Variants in DNAH7 observed in about 807,000 individuals in gnomAD.
DNAH7 encodes the protein axonemal beta dynein heavy chain 7.
Under a neutral mutation model 444.6 loss-of-function variants are expected in DNAH7, and 397 were observed. The observed-to-expected ratio is 0.89, with a 90% CI of 0.82 to 0.97. DNAH7 has a LOEUF of 0.97. DNAH7 is among the 50% of genes least tolerant of loss of function. DNAH7 has a pLI of 0.00. For synonymous variants in DNAH7, 1,636 were observed against 1,624.4 expected (o/e 1.01, Z -0.17); for missense variants, 4,902 against 4,800.8 (o/e 1.02, Z -0.62).
Position 195,808,739 on chromosome 2 carries a change from G to A in DNAH7, c.10026C>T (p.Thr3342=). ...CRLDDLPAFK[T]IRREFMRLKD... is the part of the protein sequence containing the mutation. ...TTAAGCGCATAAACTCTCTACGAAT[G>A]GTTTTGAAGGCAGGCAAATCATCTA... The change falls in exon 53 of 65, where the codon ACC becomes ACT. Residue 3342 remains threonine (T), a synonymous_variant. Coordinates refer to ENST00000312428, the MANE Select transcript of DNAH7 (RefSeq NM_018897.3). 6.2e-7 allele frequency: 1 copy of A among 1,614,006 alleles called. No homozygotes were observed. Among genetic ancestry groups the A allele is most frequent in the Non-Finnish European group, 8.5e-7 (1 of 1,179,964 alleles).
chr2:195,818,528 A>T (rs1320921199), intron 49 of DNAH7, among the ~76,000 whole-genome samples: 1 of 152,196 alleles, frequency 6.6e-6, no homozygotes, highest in Non-Finnish European at 1.5e-5. Flanking sequence ...TTTTAAAAAA[A>T]GCAAACAACA....
intron 49 of DNAH7, among the ~76,000 whole-genome samples, chr2:195,821,435 G>C (rs980379370): frequency 6.6e-6 from 1 of 152,198 alleles, no homozygotes; most frequent in Non-Finnish European, 1.5e-5. Flanking sequence ...TGAGGCTGAA[G>C]AAAGAGGCTG....
intron 10 of DNAH7, 107 bp from the exon 11 acceptor site, chr2:196,001,965 G>C (rs546713434): frequency 2.5e-6 from 2 of 815,320 alleles, no homozygotes; most frequent in Non-Finnish European, 3.6e-6. Flanking sequence ...TCATAGAGAA[G>C]TATATTGCTA....
In DNAH7 at chr2:195,809,796, C is replaced by T. The variant is rs1300029995; in HGVS notation, c.9837G>A (p.Lys3279=). Residue 3279 remains lysine, a synonymous_variant, in exon 52 of 65, where the codon AAG becomes AAA. Coordinates refer to ENST00000312428, the MANE Select transcript of DNAH7 (RefSeq NM_018897.3). ...TGGTTAGACAAAAGGAAAAGAGCAG[C>T]TTATCCTTTTCAAAGAGTGACCGGC... is the stretch of plus-strand genomic sequence containing the variant. The part of the protein sequence containing the change: ...NVCRSLFEKD[K]LLFSFCLTIN... The T allele has an allele frequency of 6.2e-7, 1 of 1,600,738 alleles. No homozygotes were observed. Among genetic ancestry groups the T allele is most frequent in the Non-Finnish European group, 8.5e-7 (1 of 1,172,856 alleles).
At position 195,740,781 on chromosome 2, in the gene DNAH7, A is replaced by G. The variant is rs1239854130; in HGVS notation, c.11853T>C (p.Tyr3951=). Reference sequence around the variant, plus strand: ...ATTTACTAACCACAGGCACTGTATCATAAAGAATTTTGGGATGCGATTCTG... The same window carrying G: ...ATTTACTAACCACAGGCACTGTATCGTAAAGAATTTTGGGATGCGATTCTG... ...KLAESHPKIL[Y]DTVPVMWLKP... is the part of the protein sequence containing the mutation. Residue 3951 remains tyrosine, a synonymous_variant, in exon 64 of 65, where the codon TAT becomes TAC. Transcript: ENST00000312428. 1.9e-6 allele frequency: 3 copies of G among 1,544,040 alleles called. No homozygotes were observed. Among genetic ancestry groups the G allele is most frequent in the African/African-American group, 1.4e-5 (1 of 72,840 alleles).
intron 10 of DNAH7, among the ~76,000 whole-genome samples, chr2:196,012,328 T>C (rs1048114530): frequency 3.3e-5 from 5 of 152,198 alleles, no homozygotes; most frequent in African/African-American, 1.2e-4. Flanking sequence ...TATCATCTGA[T>C]AGGTCTGCCT....
chr2:195,896,951 A>G (rs1329943237), intron 29 of DNAH7, among the ~76,000 whole-genome samples: 1 of 152,162 alleles, frequency 6.6e-6, no homozygotes, highest in Non-Finnish European at 1.5e-5. Context: ...GGAAAACTGG[A>G]TAACTATATG....
In DNAH7 at chr2:195,865,014, C is replaced by T. The variant is rs549170351; in HGVS notation, c.6641G>A (p.Arg2214Gln). The T allele has an allele frequency of 6.9e-6, 11 of 1,587,908 alleles. No individual in the cohort carries two copies. The highest frequency in any genetic ancestry group is 2.2e-5 in the South Asian group (2 of 88,900). The stretch of plus-strand genomic sequence containing the variant: ...GTCCAGAAGGCGGTCATAATACACT[C>T]GAAGGACCTGTATAATAATTAAAAA... ...IKRLWVHEVL[R>Q]VYYDRLLDNT... Residue 2214 changes from arginine (R) to glutamine (Q), a missense_variant, in exon 41 of 65, where the codon CGA becomes CAA. Physicochemically the swap from Arg to Gln is conservative, Grantham distance 43. Transcript: ENST00000312428.
chr2:195,859,353 A>G (rs545594581), intron 42 of DNAH7, among the ~76,000 whole-genome samples: 1 of 152,344 alleles, frequency 6.6e-6, no homozygotes, highest in Non-Finnish European at 1.5e-5. Context: ...TGTTTGGTGC[A>G]AAATGATTAT....
chr2:196,065,850 G>T (rs943685608), intron 1 of DNAH7, among the ~76,000 whole-genome samples: 1 of 152,116 alleles, frequency 6.6e-6, no homozygotes, highest in Non-Finnish European at 1.5e-5. Flanking sequence ...TTCATCCCTC[G>T]TGGTTCTCTT....
chr2:195,857,675 G>A lies in DNAH7; in HGVS notation c.8116C>T (p.Leu2706Phe). ...AAGATGCATATAGCTTCCATAACAA[G>A]CTTGACACCAGCAGGAGGACTCTTC... ...SMKSPPAGVKLVMEAICILKG... is the reference protein window; with the variant it reads ...SMKSPPAGVKFVMEAICILKG... The change falls in exon 44 of 65, where the codon CTT (leucine) becomes TTT (phenylalanine). Residue 2706 changes from leucine (L) to phenylalanine (F), a missense_variant. Physicochemically the swap from Leu to Phe is conservative, Grantham distance 22. Coordinates refer to ENST00000312428, the MANE Select transcript of DNAH7 (RefSeq NM_018897.3). The A allele has an allele frequency of 1.9e-6, 3 of 1,612,786 alleles. No individual in the cohort carries two copies. Among genetic ancestry groups the A allele is most frequent in the South Asian group, 2.2e-5 (2 of 90,696 alleles).
intron 24 of DNAH7, among the ~76,000 whole-genome samples, chr2:195,916,824 G>C (rs1035207800): frequency 6.6e-6 from 1 of 151,868 alleles, no homozygotes; most frequent in Non-Finnish European, 1.5e-5. Flanking sequence ...CGTCAGCCGG[G>C]CGTGGTGGCT....
chr2:195,803,511 G>A (rs535440510), intron 54 of DNAH7, among the ~76,000 whole-genome samples: 4 of 152,324 alleles, frequency 2.6e-5, no homozygotes, highest in South Asian at 4.1e-4. Flanking sequence ...ATGAACCTGC[G>A]TTAGCTATTC....
In DNAH7 at chr2:196,048,332, G is replaced by C; in HGVS notation, c.214C>G (p.Pro72Ala). 6.2e-7 allele frequency: 1 copy of C among 1,613,810 alleles called. No individual in the cohort carries two copies. Among genetic ancestry groups the C allele is most frequent in the South Asian group, 1.1e-5 (1 of 91,042 alleles). The change falls in exon 4 of 65, where the codon CCA (proline) becomes GCA (alanine). Residue 72 changes from proline to alanine, a missense_variant. Transcript: ENST00000312428. ...HLSVKQDDESPEPFSVKNEQS... is the reference protein window; with the variant it reads ...HLSVKQDDESAEPFSVKNEQS... ...TCATTTTTAACACTAAATGGTTCTG[G>C]ACTCTCATCATCCTGCTTTACACTC...
intron 47 of DNAH7, 82 bp downstream of exon 47, chr2:195,844,920 G>T: frequency 7.9e-7 from 1 of 1,261,144 alleles, no homozygotes; most frequent in Non-Finnish European, 1.1e-6. Context: ...GTAAAAGTTT[G>T]CTACCTAAAA....
Position 195,999,158 on chromosome 2 carries a change from G to A in DNAH7, c.1353+1546C>T, listed in dbSNP as rs1203437230. 4 of 717,434 alleles carry A rather than the reference G, an allele frequency of 5.6e-6. No individual in the cohort carries two copies. The Admixed American group carries it at 8.0e-5, about 14-fold the overall frequency. The allele number at this position is 717,434 out of a possible 1,614,324, so 44.4% of individuals were successfully genotyped here. On this transcript the variant is annotated intron_variant, in intron 12 of 64. Coordinates refer to ENST00000312428, the MANE Select transcript of DNAH7 (RefSeq NM_018897.3). ...GACACAATCTTAAAATGAGAGTTCT[G>A]AGGAGACGAAACTTCAGAATGCTGA...
chr2:196,033,989 T>C (rs1428701857), intron 5 of DNAH7, among the ~76,000 whole-genome samples: 3 of 152,236 alleles, frequency 2.0e-5, no homozygotes, highest in African/African-American at 7.2e-5. Context: ...AAAATCTGAA[T>C]GCTTTCTCCC....
At chr2:195,807,307 C>A (rs991577017) in intron 53 of DNAH7, among the ~76,000 whole-genome samples, 1 of 151,990 alleles carries the variant, frequency 6.6e-6, no homozygotes, top group East Asian at 1.9e-4. Context: ...CAGTGGTGCA[C>A]CACCATACCC....
chr2:195,937,034 G>A (rs929081444), intron 19 of DNAH7, among the ~76,000 whole-genome samples: 1 of 152,038 alleles, frequency 6.6e-6, no homozygotes, highest in Non-Finnish European at 1.5e-5. Context: ...TCTAAGTTGA[G>A]AAGTGTAAGA....
Sources: gnomAD v4.1 joint callset for allele counts (sites outside exome capture counted in the v4.1 genomes callset) on GRCh38, gnomAD v4.1.1 for gene constraint, MANE v1.5 for transcripts, NCBI Gene and HGNC (gene_info 2026-07-23, HGNC 2026-07-21) for gene names.